Variants in RPS23 observed in about 807,000 individuals in gnomAD.
RPS23 encodes ribosomal protein S23.
For missense variants in RPS23, 73 were observed against 174.5 expected, an observed-to-expected ratio of 0.42 and a Z score of 3.28; for synonymous variants, 66 against 60.4, an observed-to-expected ratio of 1.09 and a Z score of -0.43.
In RPS23 at chr5:82,274,332, C is replaced by T. The variant is rs1747720060; in HGVS notation, c.*1777G>A. ...GAAAGGAGAAGGCACTAAGATCAGG[C>T]TCAGCAGCTTCTGGATCTGAGGCGC... On this transcript the variant is annotated 3_prime_UTR_variant, in exon 4 of 4. Transcript: ENST00000296674. The T allele has an allele frequency of 6.6e-6, 1 of 152,630 alleles. No individual in the cohort carries two copies. The allele number at this position is 152,630 out of a possible 1,614,324, so 9.5% of individuals were successfully genotyped here.
At position 82,275,989 on chromosome 5, in the gene RPS23, A is replaced by C. The variant is rs748331606; in HGVS notation, c.*120T>G. On this transcript the variant is annotated 3_prime_UTR_variant, in exon 4 of 4. Coordinates refer to ENST00000296674, the MANE Select transcript of RPS23 (RefSeq NM_001025.5). ...GCGTTTGCTGGTTTAGGATAAAAAA[A>C]ATAAGGGGGGGTGGTGGTGGTAATG... 2.0e-5 allele frequency: 19 copies of C among 961,290 alleles called. No individual in the cohort carries two copies. The highest frequency in any genetic ancestry group is 2.8e-5 in the Non-Finnish European group (18 of 642,094). 59.5% of individuals were successfully genotyped at this position (961,290 alleles called of 1,614,324 possible).
rs981713957 is a variant in RPS23 at position 82,275,461 on chromosome 5, C to T, written c.*648G>A. ...CCTCATGAGAAGATACTGAAAACAT[C>T]AGTCTTGTCGTATACCTTATCTCCC... On this transcript the variant is annotated 3_prime_UTR_variant, in exon 4 of 4. Coordinates refer to ENST00000296674, the MANE Select transcript of RPS23 (RefSeq NM_001025.5). 1.6e-6 allele frequency: 1 copy of T among 632,446 alleles called. No homozygotes were observed. Among genetic ancestry groups the T allele is most frequent in the Non-Finnish European group, 2.8e-6 (1 of 352,532 alleles). 39.2% of individuals were successfully genotyped at this position (632,446 alleles called of 1,614,324 possible). A position where few individuals can be genotyped will look rare whatever the true frequency, so the allele number is the denominator to read the frequency against.
At chr5:82,277,561 C>T (rs957103226) in intron 2 of RPS23, 132 bp downstream of exon 2, 1 of 909,594 alleles carries the variant, frequency 1.1e-6, no homozygotes, top group Non-Finnish European at 1.8e-6. Flanking sequence ...AAACGCTTTG[C>T]AATTTTACCC....
chr5:82,275,815 A>G lies in RPS23; in HGVS notation c.*294T>C, dbSNP rs978833841. The G allele has an allele frequency of 2.8e-5, 9 of 324,522 alleles. No individual in the cohort carries two copies. The highest frequency in any genetic ancestry group is 8.8e-4 in the Middle Eastern group (1 of 1,136). The allele number at this position is 324,522 out of a possible 1,614,324, so 20.1% of individuals were successfully genotyped here. A position where few individuals can be genotyped will look rare whatever the true frequency, so the allele number is the denominator to read the frequency against. ...AAGTTCCCTTAAAGTTCTTAAAGTAATACTACAATACTGCACATTTATTCC... is the reference window on the plus strand; with the variant it reads ...AAGTTCCCTTAAAGTTCTTAAAGTAGTACTACAATACTGCACATTTATTCC... On this transcript the variant is annotated 3_prime_UTR_variant, in exon 4 of 4. Transcript: ENST00000296674.
Position 82,278,350 on chromosome 5 carries a change from A to T in RPS23, c.-27T>A. On this transcript the variant is annotated 5_prime_UTR_variant, in exon 1 of 4. Transcript: ENST00000296674. ...CTGTCGGCGCCACGGGCCTGAGCGAAAGAGAGAAGCACCGCAGGAAGGAGC... is the reference window on the plus strand; with the variant it reads ...CTGTCGGCGCCACGGGCCTGAGCGATAGAGAGAAGCACCGCAGGAAGGAGC... 6.2e-7 allele frequency: 1 copy of T among 1,607,002 alleles called. No individual in the cohort carries two copies.
rs1292540247 is a variant in RPS23, at chr5:82,277,758, G to A, written c.99C>T (p.Gly33=). The A allele has an allele frequency of 3.1e-6, 5 of 1,613,954 alleles. No individual in the cohort carries two copies. Among genetic ancestry groups the A allele is most frequent in the Admixed American group, 3.3e-5 (2 of 60,032 alleles). The change falls in exon 2 of 4, where the codon GGC becomes GGT. Residue 33 remains glycine, a synonymous_variant. Coordinates refer to ENST00000296674, the MANE Select transcript of RPS23 (RefSeq NM_001025.5). ...HDKQYKKAHL[G]TALKANPFGG... ...CAAAAGGGTTGGCCTTTAGGGCTGT[G>A]CCCAAATGAGCTTTCTTATACTGTT...
Position 82,274,119 on chromosome 5 carries a change from AC to A in RPS23, c.*1989del, listed in dbSNP as rs1747716624. The A allele has an allele frequency of 6.6e-6, 1 of 152,226 alleles. No individual in the cohort carries two copies. Among genetic ancestry groups the A allele is most frequent in the Non-Finnish European group, 1.5e-5 (1 of 68,052 alleles). 9.4% of individuals were successfully genotyped at this position (152,226 alleles called of 1,614,324 possible). ...GGTCTTTGACAAATGGAAGTCCACA[AC>A]ATTTATTGAAACTCTTCTTCCTCCA... On this transcript the variant is annotated 3_prime_UTR_variant, in exon 4 of 4. Coordinates refer to ENST00000296674, the MANE Select transcript of RPS23 (RefSeq NM_001025.5).
rs1312626173 is a variant in RPS23 at position 82,275,656 on chromosome 5, A to G, written c.*453T>C. ...TCTTGGGCCCCTGTAAGATGGATAC[A>G]AGAATGTGCATTTCCAAGGGTACCT... On this transcript the variant is annotated 3_prime_UTR_variant, in exon 4 of 4. Coordinates refer to ENST00000296674, the MANE Select transcript of RPS23 (RefSeq NM_001025.5). 2 of 282,242 alleles carry G rather than the reference A, an allele frequency of 7.1e-6. No homozygotes were observed. Among genetic ancestry groups the G allele is most frequent in the Non-Finnish European group, 1.3e-5 (2 of 152,806 alleles). The allele number at this position is 282,242 out of a possible 1,614,324, so 17.5% of individuals were successfully genotyped here.
At chr5:82,276,585 A>AAT in intron 2 of RPS23, 67 bp from the exon 3 acceptor site, 1 of 1,585,244 alleles carries the variant, frequency 6.3e-7, no homozygotes, top group East Asian at 2.2e-5. Context: ...CATATTAACT[A>AAT]GAGAACTAAT....
chr5:82,276,725 AT>A (rs1481090687), intron 2 of RPS23: 8 of 629,718 alleles, frequency 1.3e-5, no homozygotes, highest in Admixed American at 3.0e-5. Context: ...TTTTACAGTT[AT>A]AAAAGTAGAC....
Position 82,276,538 on chromosome 5 carries a change from G to C in RPS23, c.165-20C>G. 6.2e-7 allele frequency: 1 copy of C among 1,613,038 alleles called. No individual in the cohort carries two copies. Among genetic ancestry groups the C allele is most frequent in the South Asian group, 1.1e-5 (1 of 91,044 alleles). On this transcript the variant is annotated intron_variant, in intron 2 of 3. Transcript: ENST00000296674. Reference sequence around the variant, plus strand: ...ACTCCTCTGAAATACAAAAGGCACAGCACTGTGAGCTGGCTTTCTGAAAAA... The same window carrying C: ...ACTCCTCTGAAATACAAAAGGCACACCACTGTGAGCTGGCTTTCTGAAAAA...
chr5:82,274,803 TACAA>T lies in RPS23; in HGVS notation c.*1302_*1305del, dbSNP rs1371118977. 5.0e-6 allele frequency: 1 copy of T among 200,766 alleles called. No individual in the cohort carries two copies. The highest frequency in any genetic ancestry group is 1.0e-5 in the Non-Finnish European group (1 of 97,802). 12.4% of individuals were successfully genotyped at this position (200,766 alleles called of 1,614,324 possible). On this transcript the variant is annotated 3_prime_UTR_variant, in exon 4 of 4. Transcript: ENST00000296674. The stretch of plus-strand genomic sequence containing the variant: ...GCAGCTACACGTTAGGAAACACTGG[TACAA>T]ACCAACAGGCAGCCTTTCCGCCCTT...
In RPS23 at chr5:82,275,394, C is replaced by A. The variant is rs1466131281; in HGVS notation, c.*715G>T. 1 of 692,334 alleles carries A rather than the reference C, an allele frequency of 1.4e-6. No individual in the cohort carries two copies. The highest frequency in any genetic ancestry group is 1.8e-5 in the African/African-American group (1 of 56,910). The allele number at this position is 692,334 out of a possible 1,614,324, so 42.9% of individuals were successfully genotyped here. A position where few individuals can be genotyped will look rare whatever the true frequency, so the allele number is the denominator to read the frequency against. On this transcript the variant is annotated 3_prime_UTR_variant, in exon 4 of 4. Coordinates refer to ENST00000296674, the MANE Select transcript of RPS23 (RefSeq NM_001025.5). ...ATCTTGTCTCTACACTAAACCACTT[C>A]ATTTGCTGACTAGTCTTTGAAGACA...
At position 82,275,216 on chromosome 5, in the gene RPS23, T is replaced by C. The variant is rs76062650; in HGVS notation, c.*893A>G. 21,638 of 702,532 alleles carry C rather than the reference T, an allele frequency of 0.031. 1,681 individuals are homozygous for C. Among genetic ancestry groups the C allele is most frequent in the African/African-American group, 0.23 (13,238 of 57,322 alleles). 43.5% of individuals were successfully genotyped at this position (702,532 alleles called of 1,614,324 possible). ...TAATTAACCCATACTTACTATTTGTTAACAGGAGTTTCTTACATCAGATTT... is the reference window on the plus strand; with the variant it reads ...TAATTAACCCATACTTACTATTTGTCAACAGGAGTTTCTTACATCAGATTT... On this transcript the variant is annotated 3_prime_UTR_variant, in exon 4 of 4. Coordinates refer to ENST00000296674, the MANE Select transcript of RPS23 (RefSeq NM_001025.5).
Position 82,275,717 on chromosome 5 carries a change from A to G in RPS23, c.*392T>C, listed in dbSNP as rs1364206717. On this transcript the variant is annotated 3_prime_UTR_variant, in exon 4 of 4. Transcript: ENST00000296674. The stretch of plus-strand genomic sequence containing the variant: ...ATGTGCAATGAAATTTGGTAACTGA[A>G]GTGTTGCACCCGATATGGAAAATAC... 1 of 247,854 alleles carries G rather than the reference A, an allele frequency of 4.0e-6. No homozygotes were observed. The highest frequency in any genetic ancestry group is 7.6e-6 in the Non-Finnish European group (1 of 130,750). 15.4% of individuals were successfully genotyped at this position (247,854 alleles called of 1,614,324 possible).
In RPS23 at chr5:82,273,578, T is replaced by C. The variant is rs1747707209; in HGVS notation, c.*2531A>G. On this transcript the variant is annotated 3_prime_UTR_variant, in exon 4 of 4. Transcript: ENST00000296674. ...ACGGATAACATCAGGTTCTAAGTCG[T>C]AAGTTGATTTTTAACTACTAGGTTT... 1 of 149,248 alleles carries C rather than the reference T, an allele frequency of 6.7e-6. No individual in the cohort carries two copies. Among genetic ancestry groups the C allele is most frequent in the African/African-American group, 2.6e-5 (1 of 38,680 alleles). The allele number at this position is 149,248 out of a possible 1,614,324, so 9.2% of individuals were successfully genotyped here.
In RPS23 at chr5:82,274,929, C is replaced by A; in HGVS notation, c.*1180G>T. 2.6e-6 allele frequency: 1 copy of A among 390,320 alleles called. No homozygotes were observed. Among genetic ancestry groups the A allele is most frequent in the Non-Finnish European group, 4.7e-6 (1 of 214,000 alleles). The allele number at this position is 390,320 out of a possible 1,614,324, so 24.2% of individuals were successfully genotyped here. ...TAAGAGCAGGCGACATGCAAGGAACCATAGTAACAGGAACAGAGGTCCTGA... is the reference window on the plus strand; with the variant it reads ...TAAGAGCAGGCGACATGCAAGGAACAATAGTAACAGGAACAGAGGTCCTGA... On this transcript the variant is annotated 3_prime_UTR_variant, in exon 4 of 4. Coordinates refer to ENST00000296674, the MANE Select transcript of RPS23 (RefSeq NM_001025.5).
At position 82,276,010 on chromosome 5, in the gene RPS23, T is replaced by C; in HGVS notation, c.*99A>G. The C allele has an allele frequency of 3.5e-6, 4 of 1,137,924 alleles. No homozygotes were observed. In the South Asian group the frequency reaches 4.6e-5, roughly 13 times the overall value. 70.5% of individuals were successfully genotyped at this position (1,137,924 alleles called of 1,614,324 possible). A position where few individuals can be genotyped will look rare whatever the true frequency, so the allele number is the denominator to read the frequency against. ...AAAAAATAAGGGGGGGTGGTGGTGG[T>C]AATGAACATGATCTTCGTGGTGAGA... On this transcript the variant is annotated 3_prime_UTR_variant, in exon 4 of 4. Coordinates refer to ENST00000296674, the MANE Select transcript of RPS23 (RefSeq NM_001025.5).
rs1561387837 is a variant in RPS23, at chr5:82,273,749, G to GT, written c.*2359dup. ...AAGGTCTCTCTCTTCCCTCAAGAGT[G>GT]TATGACTTTGCTGCCCAGGATGATC... On this transcript the variant is annotated 3_prime_UTR_variant, in exon 4 of 4. Coordinates refer to ENST00000296674, the MANE Select transcript of RPS23 (RefSeq NM_001025.5). The GT allele has an allele frequency of 1.3e-5, 2 of 152,162 alleles. No homozygotes were observed. 9.4% of individuals were successfully genotyped at this position (152,162 alleles called of 1,614,324 possible).
Sources: allele counts gnomAD v4.1 joint callset, GRCh38; gene constraint gnomAD v4.1.1; transcripts MANE v1.5; gene names NCBI Gene and HGNC (gene_info 2026-07-23, HGNC 2026-07-21).